CPEB3: variants seen among roughly 807,000 people sequenced by gnomAD.
CPEB3 encodes cytoplasmic polyadenylation element-binding protein 3.
A neutral mutation model predicts 67.2 loss-of-function variants in CPEB3; 20 were observed. That is an observed-to-expected ratio of 0.30 (90% confidence interval 0.21 to 0.43). The LOEUF is 0.43. Among genes scored for constraint, CPEB3 ranks in the 20% least tolerant of loss-of-function variants. The pLI, the probability that CPEB3 is intolerant of heterozygous loss-of-function variation, is 1.00. For synonymous variants in CPEB3, 376 were observed against 393.1 expected, an observed-to-expected ratio of 0.96 and a Z score of 0.51; for missense variants, 746 against 968.6, an observed-to-expected ratio of 0.77 and a Z score of 3.05.
chr10:92,095,600 A>ATTT (rs11404019), intron 7 of CPEB3, among the ~76,000 whole-genome samples: 4,856 of 122,962 alleles, frequency 0.039, 197 homozygotes, highest in East Asian at 0.13. Flanking sequence ...ATATATATAT[A>ATTT]TTTTTTTTTT....
At position 92,203,356 on chromosome 10, in the gene CPEB3, G is replaced by A. The variant is rs10882033; in HGVS notation, c.1006-10720C>T. Among the ~76,000 whole-genome samples the A allele has an allele frequency of 3.0e-4, 40 of 132,152 alleles. 1 individual carries two copies. The East Asian group carries it at 6.0e-3, about 20-fold the overall frequency. 86.7% of individuals were successfully genotyped at this position (132,152 alleles called of 152,430 possible). On this transcript the variant is annotated intron_variant, in intron 2 of 9. Coordinates refer to ENST00000265997, the MANE Select transcript of CPEB3 (RefSeq NM_014912.5). The stretch of plus-strand genomic sequence containing the variant: ...AGAGATGATATATATATATATATAT[G>A]TATATATATGTATATATGTATATAT...
chr10:92,193,815 A>T (rs7073372), intron 2 of CPEB3, among the ~76,000 whole-genome samples: 1 of 148,018 alleles, frequency 6.8e-6, no homozygotes, highest in African/African-American at 2.5e-5. Flanking sequence ...TCTTTTTTTT[A>T]AGACAGAGTC....
At chr10:92,058,625 T>C (rs2134292781) in intron 9 of CPEB3, among the ~76,000 whole-genome samples, 2 of 150,938 alleles carry the variant, frequency 1.3e-5, no homozygotes, top group South Asian at 4.2e-4. Context: ...ATTATATATA[T>C]ACACCCAACA....
intron 1 of CPEB3, among the ~76,000 whole-genome samples, chr10:92,262,865 C>T (rs1225061020): frequency 1.3e-5 from 2 of 152,012 alleles, no homozygotes; most frequent in East Asian, 3.8e-4. Flanking sequence ...TGTATCCCAG[C>T]GGGGAGCACA....
chr10:92,091,755 A>AAT, intron 8 of CPEB3, 75 bp downstream of exon 8: 1 of 875,494 alleles, frequency 1.1e-6, no homozygotes. Context: ...AAACCTAGAA[A>AAT]ATATTTAAGA....
chr10:92,083,821 T>C (rs536624229), intron 8 of CPEB3, among the ~76,000 whole-genome samples: 34 of 152,266 alleles, frequency 2.2e-4, no homozygotes, highest in African/African-American at 8.2e-4. Context: ...AGTGGTAAGC[T>C]TGAAACTCCA....
chr10:92,267,729 A>G (rs911136394), intron 1 of CPEB3, among the ~76,000 whole-genome samples: 3 of 152,226 alleles, frequency 2.0e-5, no homozygotes, highest in Non-Finnish European at 2.9e-5. Flanking sequence ...AACACCTCCA[A>G]TGAAAGCCAT....
At chr10:92,224,256 G>C (rs1444825330) in intron 2 of CPEB3, among the ~76,000 whole-genome samples, 4 of 152,086 alleles carry the variant, frequency 2.6e-5, no homozygotes, top group African/African-American at 9.7e-5. Flanking sequence ...CACGTTAACT[G>C]GTTTCCCGAG....
intron 1 of CPEB3, among the ~76,000 whole-genome samples, chr10:92,281,704 G>A (rs762059466): frequency 6.6e-6 from 1 of 152,134 alleles, no homozygotes; most frequent in Admixed American, 6.6e-5. Flanking sequence ...AAAAGTCAAG[G>A]TTAATAAAAT....
intron 1 of CPEB3, among the ~76,000 whole-genome samples, chr10:92,261,819 C>T (rs1162378374): frequency 1.3e-5 from 2 of 152,062 alleles, no homozygotes; most frequent in Non-Finnish European, 1.5e-5. Flanking sequence ...GTTGGGATCC[C>T]CACCTTAAAG....
chr10:92,283,019 G>A (rs1842364782), intron 1 of CPEB3, among the ~76,000 whole-genome samples: 2 of 152,226 alleles, frequency 1.3e-5, no homozygotes, highest in Non-Finnish European at 1.5e-5. Context: ...GGGAGGCCAA[G>A]GCAGGTGGAT....
intron 7 of CPEB3, among the ~76,000 whole-genome samples, chr10:92,100,496 G>A (rs1334133013): frequency 2.0e-5 from 3 of 152,022 alleles, no homozygotes; most frequent in East Asian, 1.9e-4. Flanking sequence ...GGCTGGTCTC[G>A]AACTCCTGAC....
At chr10:92,098,035 C>T (rs1843964467) in intron 7 of CPEB3, among the ~76,000 whole-genome samples, 1 of 151,344 alleles carries the variant, frequency 6.6e-6, no homozygotes, top group Non-Finnish European at 1.5e-5. Flanking sequence ...GTGGTGCATG[C>T]CTGTAATCCC....
intron 2 of CPEB3, among the ~76,000 whole-genome samples, chr10:92,208,985 T>C (rs556553674): frequency 6.6e-6 from 1 of 152,282 alleles, no homozygotes; most frequent in Admixed American, 6.5e-5. Context: ...ATAATCATCA[T>C]CTATTAAGTA....
chr10:92,231,140 T>G (rs1328338699), intron 2 of CPEB3, among the ~76,000 whole-genome samples: 2 of 152,128 alleles, frequency 1.3e-5, no homozygotes, highest in Non-Finnish European at 2.9e-5. Flanking sequence ...GTCACACATC[T>G]CCACCATTAG....
Position 92,239,265 on chromosome 10 carries a change from C to T in CPEB3, c.1005+81G>A, listed in dbSNP as rs1851689445. 6.9e-7 allele frequency: 1 copy of T among 1,450,002 alleles called. No homozygotes were observed. Among genetic ancestry groups the T allele is most frequent in the African/African-American group, 1.4e-5 (1 of 71,120 alleles). 89.8% of individuals were successfully genotyped at this position (1,450,002 alleles called of 1,614,324 possible). On this transcript the variant is annotated intron_variant, in intron 2 of 9. Transcript: ENST00000265997. This position sits in a 1 kb window ranked among gnomAD's most constrained non-coding sequence, Gnocchi z 6.0. The stretch of plus-strand genomic sequence containing the variant: ...CATTGCTGCCCTTTTTAAATATAAG[C>T]GGGTGGATGATTAAAAGTCAGAGAA...
At chr10:92,096,392 T>A (rs921194017) in intron 7 of CPEB3, among the ~76,000 whole-genome samples, 4 of 151,952 alleles carry the variant, frequency 2.6e-5, no homozygotes, top group Admixed American at 2.0e-4. Context: ...CTAGAACCAA[T>A]CCCTTATGCA....
chr10:92,176,281 C>T (rs764598007), intron 4 of CPEB3, among the ~76,000 whole-genome samples: 3 of 152,206 alleles, frequency 2.0e-5, no homozygotes, highest in Non-Finnish European at 4.4e-5. Context: ...CTCATATGAG[C>T]ATTATCTACA....
chr10:92,048,372 C>A lies in CPEB3; in HGVS notation c.*3840G>T, dbSNP rs1274343053. The A allele has an allele frequency of 2.3e-5, 1 of 43,598 alleles. No individual in the cohort carries two copies. Among genetic ancestry groups the A allele is most frequent in the East Asian group, 6.6e-4 (1 of 1,514 alleles). The allele number at this position is 43,598 out of a possible 1,614,324, so 2.7% of individuals were successfully genotyped here. ...AGTTGGTGGCAGTTTTTCTCTCTCT[C>A]TCTCTCTCTCTCTCTCACACACACA... On this transcript the variant is annotated 3_prime_UTR_variant, in exon 10 of 10. Transcript: ENST00000265997. This position sits in a 1 kb window ranked among gnomAD's most constrained non-coding sequence, Gnocchi z 4.1.
Sources: allele counts gnomAD v4.1 joint callset (sites outside exome capture counted in the v4.1 genomes callset), GRCh38; gene constraint gnomAD v4.1.1; non-coding constraint Gnocchi (gnomAD v3.1); transcripts MANE v1.5; gene names NCBI Gene and HGNC (gene_info 2026-07-23, HGNC 2026-07-21).